The following NPHP4 variants were observed in gnomAD, a reference collection of about 807,000 sequenced individuals.
NPHP4 encodes nephrocystin 4.
Under a neutral mutation model 155.8 loss-of-function variants are expected in NPHP4, and 151 were observed. The observed-to-expected ratio is 0.97, with a 90% CI of 0.85 to 1.11. NPHP4 has a LOEUF of 1.11. Among genes scored for constraint, NPHP4 ranks in the 50% least tolerant of loss-of-function variants. The pLI is 0.00. For synonymous variants in NPHP4, 845 were observed against 816.8 expected, an observed-to-expected ratio of 1.03 and a Z score of -0.59; for missense variants, 1,956 against 1,925.7, an observed-to-expected ratio of 1.02 and a Z score of -0.29.
At chr1:5,896,934 T>A (rs1644424325) in intron 16 of NPHP4, among the ~76,000 whole-genome samples, 4 of 152,186 alleles carry the variant, frequency 2.6e-5, no homozygotes, top group Admixed American at 2.6e-4. Flanking sequence ...TCGATGAAGA[T>A]GCAGGAGACC....
At chr1:5,965,941 C>T (rs536850359) in intron 5 of NPHP4, among the ~76,000 whole-genome samples, 3 of 152,256 alleles carry the variant, frequency 2.0e-5, no homozygotes, top group South Asian at 2.1e-4. Flanking sequence ...GACTCAGCTG[C>T]GCACGTGCAC....
At chr1:5,973,582 A>G (rs773595725) in intron 3 of NPHP4, among the ~76,000 whole-genome samples, 20 of 152,160 alleles carry the variant, frequency 1.3e-4, no homozygotes, top group Non-Finnish European at 2.4e-4. Flanking sequence ...GTGAGACCCC[A>G]TCTCTTAGAA....
chr1:5,866,885 A>G, intron 25 of NPHP4, 145 bp downstream of exon 25: 1 of 653,728 alleles, frequency 1.5e-6, no homozygotes, highest in South Asian at 1.8e-5. Flanking sequence ...AAGGATGTCA[A>G]AATAGCCCTT....
chr1:5,904,659 G>A lies in NPHP4; in HGVS notation c.2101C>T (p.His701Tyr), dbSNP rs1176606132. The A allele has an allele frequency of 2.5e-6, 4 of 1,613,554 alleles. No individual in the cohort carries two copies. Among genetic ancestry groups the A allele is most frequent in the Non-Finnish European group, 3.4e-6 (4 of 1,179,566 alleles). ...TCTCTGCTCACAGGCACGAGGATGTGGGTCAGGGCGCCAGAGCTGGGCTGG... is the reference window on the plus strand; with the variant it reads ...TCTCTGCTCACAGGCACGAGGATGTAGGTCAGGGCGCCAGAGCTGGGCTGG... ...AGQPSSGALT[H>Y]ILVPVSRDGT... is the part of the protein sequence containing the mutation. The change falls in exon 16 of 30, where the codon CAC becomes TAC. Residue 701 changes from histidine (H) to tyrosine (Y), a missense_variant. Transcript: ENST00000378156.
chr1:5,885,478 G>T (rs1013271428), intron 18 of NPHP4, among the ~76,000 whole-genome samples: 13 of 152,250 alleles, frequency 8.5e-5, no homozygotes, highest in African/African-American at 3.1e-4. Flanking sequence ...AAAGCTGACC[G>T]AAAGACAGTG....
Position 5,913,392 on chromosome 1 carries a change from C to T in NPHP4, c.1442-4179G>A, listed in dbSNP as rs192910855. 5.3e-5 allele frequency among the ~76,000 whole-genome samples: 8 copies of T among 152,344 alleles called. No homozygotes were observed. The East Asian group carries it at 1.5e-3, about 29-fold the overall frequency. ...GAAAAACTTAGACTTCCCACCACGGCAGGTTTCTCCACCTCTCTGAAGATT... is the reference window on the plus strand; with the variant it reads ...GAAAAACTTAGACTTCCCACCACGGTAGGTTTCTCCACCTCTCTGAAGATT... On this transcript the variant is annotated intron_variant, in intron 11 of 29. Coordinates refer to ENST00000378156, the MANE Select transcript of NPHP4 (RefSeq NM_015102.5).
chr1:5,958,907 A>G (rs1291622146), intron 6 of NPHP4, among the ~76,000 whole-genome samples: 3 of 150,542 alleles, frequency 2.0e-5, no homozygotes, highest in Non-Finnish European at 3.0e-5. Context: ...CATTACATAC[A>G]TAATTTAAAA....
chr1:5,897,748 G>A lies in NPHP4; in HGVS notation c.2144-6720C>T, dbSNP rs555868595. On this transcript the variant is annotated intron_variant, in intron 16 of 29. Coordinates refer to ENST00000378156, the MANE Select transcript of NPHP4 (RefSeq NM_015102.5). ...CCAGATCAAAAAAATACACATGGGG[G>A]ACAAATGGGGAAATGGTACTATGAA... is the stretch of plus-strand genomic sequence containing the variant. 9.9e-5 allele frequency among the ~76,000 whole-genome samples: 15 copies of A among 152,236 alleles called. 1 individual carries two copies. The highest frequency in any genetic ancestry group is 3.1e-4 in the African/African-American group (13 of 41,540).
chr1:5,977,662 C>T (rs1305371224), intron 3 of NPHP4, among the ~76,000 whole-genome samples: 1 of 150,792 alleles, frequency 6.6e-6, no homozygotes, highest in Non-Finnish European at 1.5e-5. Flanking sequence ...ACCACAGAGA[C>T]AGAGCATGCC....
intron 13 of NPHP4, among the ~76,000 whole-genome samples, chr1:5,906,909 C>T (rs1644937381): frequency 6.6e-6 from 1 of 152,222 alleles, no homozygotes; most frequent in Admixed American, 6.5e-5. Flanking sequence ...ACTCATGGGC[C>T]ACATTCTTCT....
In NPHP4 at chr1:5,907,199, G is replaced by A. The variant is rs773573886; in HGVS notation, c.1527C>T (p.Ala509=). ...AGTGCTGAGTCGGGGACCGCGGGGA[G>A]GCCGCCAGCTGGGAAATTGACAACT... ...GPGLSISQLA[A]SPRSPTQHCL... The change falls in exon 13 of 30, where the codon GCC becomes GCT. Residue 509 remains alanine, a synonymous_variant. Transcript: ENST00000378156. The A allele has an allele frequency of 2.5e-5, 39 of 1,584,336 alleles. No individual in the cohort carries two copies. Among genetic ancestry groups the A allele is most frequent in the Non-Finnish European group, 2.6e-5 (30 of 1,164,756 alleles).
intron 16 of NPHP4, among the ~76,000 whole-genome samples, chr1:5,900,773 G>A (rs1644637491): frequency 1.3e-5 from 2 of 152,104 alleles, no homozygotes; most frequent in Admixed American, 1.3e-4. Flanking sequence ...GCTCACGCCT[G>A]TCATCTCAGC....
intron 11 of NPHP4, among the ~76,000 whole-genome samples, chr1:5,915,088 T>C (rs563691912): frequency 2.3e-4 from 35 of 152,230 alleles, no homozygotes; most frequent in African/African-American, 7.2e-4. Context: ...CATTTACCTA[T>C]GGGGTCAGCA....
At chr1:5,958,822 A>G (rs1334554194) in intron 6 of NPHP4, among the ~76,000 whole-genome samples, 7 of 145,220 alleles carry the variant, frequency 4.8e-5, no homozygotes, top group African/African-American at 1.9e-4. Flanking sequence ...TTGTGCCACT[A>G]CACTCCAGCC....
chr1:5,881,856 A>G (rs371944492), intron 18 of NPHP4: 9 of 152,382 alleles, frequency 5.9e-5, no homozygotes, highest in Middle Eastern at 3.4e-3. Context: ...TCCCTGCTTC[A>G]GTCTTTGTAA....
intron 19 of NPHP4, chr1:5,879,382 C>A: frequency 2.6e-6 from 1 of 378,350 alleles, no homozygotes; most frequent in Non-Finnish European, 5.2e-6. Context: ...AGCCTCCCTG[C>A]TGTGAAACAC....
At chr1:5,878,944 G>C (rs775197435) in intron 19 of NPHP4, among the ~76,000 whole-genome samples, 1 of 152,214 alleles carries the variant, frequency 6.6e-6, no homozygotes, top group Non-Finnish European at 1.5e-5. Context: ...CCTTAGCCAC[G>C]GCACTGGCCA....
chr1:5,985,732 T>C (rs1216877249), intron 2 of NPHP4, among the ~76,000 whole-genome samples: 2 of 152,222 alleles, frequency 1.3e-5, no homozygotes, highest in Non-Finnish European at 2.9e-5. Flanking sequence ...GTAATGGGTA[T>C]GGTGGTATAA....
intron 29 of NPHP4, 24 bp downstream of exon 29, chr1:5,863,866 G>T: frequency 6.2e-7 from 1 of 1,613,158 alleles, no homozygotes; most frequent in East Asian, 2.2e-5. Context: ...TCCCCTAGGA[G>T]TCCCAGGCAC....
Sources: gnomAD v4.1 joint callset for allele counts (sites outside exome capture counted in the v4.1 genomes callset) on GRCh38, gnomAD v4.1.1 for gene constraint, MANE v1.5 for transcripts, NCBI Gene and HGNC (gene_info 2026-07-23, HGNC 2026-07-21) for gene names.